The following DAB1 variants were observed in gnomAD, a reference collection of about 807,000 sequenced individuals.
DAB1 encodes disabled homolog 1.
Under a neutral mutation model 64.6 loss-of-function variants are expected in DAB1, and 15 were observed. That is an observed-to-expected ratio of 0.23 (90% CI 0.16 to 0.36). The LOEUF is 0.36. Among genes scored for constraint, DAB1 ranks in the 10% least tolerant of loss-of-function variants. DAB1 has a pLI of 1.00. For synonymous variants in DAB1, 235 were observed against 251.9 expected, an observed-to-expected ratio of 0.93 and a Z score of 0.64; for missense variants, 596 against 706.7, an observed-to-expected ratio of 0.84 and a Z score of 1.78.
At chr1:58,301,066 C>T (rs747105675) in intron 4 of DAB1, among the ~76,000 whole-genome samples, 125 of 152,020 alleles carry the variant, frequency 8.2e-4, no homozygotes, top group Non-Finnish European at 1.2e-3. Context: ...CCTCACCCTC[C>T]GTAATGTGAC....
At chr1:57,251,237 T>C (rs1234261480) in intron 2 of DAB1, among the ~76,000 whole-genome samples, 1 of 152,216 alleles carries the variant, frequency 6.6e-6, no homozygotes, top group African/African-American at 2.4e-5. Flanking sequence ...ATGTGAAATT[T>C]CTTTTTAAGT....
At chr1:57,004,288 G>A (rs515493) in intron 14 of DAB1, among the ~76,000 whole-genome samples, 13,044 of 152,214 alleles carry the variant, frequency 0.086, 642 homozygotes, top group East Asian at 0.15. Context: ...ATAACAAGAC[G>A]CTCTTGGAAG....
intron 5 of DAB1, among the ~76,000 whole-genome samples, chr1:57,947,240 T>C (rs1645197798): frequency 6.6e-6 from 1 of 152,080 alleles, no homozygotes; most frequent in Non-Finnish European, 1.5e-5. Context: ...AAGCATGTGA[T>C]CTTCATACTA....
intron 5 of DAB1, among the ~76,000 whole-genome samples, chr1:58,073,865 T>A (rs907699623): frequency 6.6e-6 from 1 of 152,126 alleles, no homozygotes; most frequent in Non-Finnish European, 1.5e-5. Flanking sequence ...AGAAGGTGAA[T>A]GAATGGAAAT....
intron 14 of DAB1, among the ~76,000 whole-genome samples, chr1:56,999,641 C>T (rs1357393666): frequency 6.6e-6 from 1 of 152,064 alleles, no homozygotes; most frequent in Non-Finnish European, 1.5e-5. Context: ...AGTGGAATGG[C>T]CTAGAAGATA....
intron 5 of DAB1, among the ~76,000 whole-genome samples, chr1:58,091,710 A>T (rs1005201575): frequency 6.6e-6 from 1 of 152,034 alleles, no homozygotes; most frequent in Non-Finnish European, 1.5e-5. Flanking sequence ...AGCTACTTCC[A>T]AATATGTCTT....
chr1:57,561,826 G>C (rs570597468), intron 7 of DAB1, among the ~76,000 whole-genome samples: 1 of 152,202 alleles, frequency 6.6e-6, no homozygotes, highest in African/African-American at 2.4e-5. Flanking sequence ...CTGAGCCCTC[G>C]ATATGGCACC....
rs1661731993 is a variant in DAB1, at chr1:58,288,038, A to AAAAAAAAG, written n.309+55306_309+55313dup. On this transcript the variant is annotated intron_variant and non_coding_transcript_variant, in intron 4 of 20. Coordinates refer to the DAB1 transcript ENST00000485760. ...CTGCCTCAAAAAAAAAAAAAAAAAA[A>AAAAAAAAG]AAAAAAAGAAAAAAAAGAGCAGCAA... Among the ~76,000 whole-genome samples, 23 of 122,672 alleles carry AAAAAAAAG rather than the reference A, an allele frequency of 1.9e-4. 1 individual carries two copies. Among genetic ancestry groups the AAAAAAAAG allele is most frequent in the Admixed American group, 2.7e-4 (3 of 11,270 alleles). The allele number at this position is 122,672 out of a possible 152,430, so 80.5% of individuals were successfully genotyped here. A position where few individuals can be genotyped will look rare whatever the true frequency, so the allele number is the denominator to read the frequency against.
At chr1:57,264,890 C>T (rs572054735) in intron 2 of DAB1, among the ~76,000 whole-genome samples, 35 of 152,168 alleles carry the variant, frequency 2.3e-4, no homozygotes, top group Non-Finnish European at 4.4e-4. Context: ...ATAGTAATCT[C>T]AGAAAAAATA....
At chr1:57,277,383 T>C (rs1190673681) in intron 2 of DAB1, among the ~76,000 whole-genome samples, 1 of 152,188 alleles carries the variant, frequency 6.6e-6, no homozygotes, top group Non-Finnish European at 1.5e-5. Context: ...CGGTTTTTTT[T>C]CCTACAAACA....
intron 1 of DAB1, among the ~76,000 whole-genome samples, chr1:57,828,290 T>TA (rs1652444671): frequency 6.6e-6 from 1 of 152,234 alleles, no homozygotes. Flanking sequence ...TCAGAGAGGT[T>TA]AAAAACTTTT....
intron 2 of DAB1, among the ~76,000 whole-genome samples, chr1:57,242,285 G>T (rs938576530): frequency 6.6e-6 from 1 of 152,088 alleles, no homozygotes; most frequent in Non-Finnish European, 1.5e-5. Context: ...GAGCATCTTA[G>T]TGACAAAAGC....
At chr1:58,035,835 A>C (rs1268196892) in intron 5 of DAB1, among the ~76,000 whole-genome samples, 1 of 152,196 alleles carries the variant, frequency 6.6e-6, no homozygotes, top group Admixed American at 6.5e-5. Flanking sequence ...CAGGAGCCTA[A>C]GGAAAACTGC....
At chr1:58,534,352 T>A (rs1240747923) in intron 1 of DAB1, 1 of 823,350 alleles carries the variant, frequency 1.2e-6, no homozygotes, top group Non-Finnish European at 2.1e-6. Flanking sequence ...AAAAATTACT[T>A]CTTATTTTAA....
At chr1:58,051,947 T>C in intron 5 of DAB1, among the ~76,000 whole-genome samples, 1 of 152,194 alleles carries the variant, frequency 6.6e-6, no homozygotes, top group East Asian at 1.9e-4. Flanking sequence ...GATATTAGCC[T>C]TTTGTCAAAT....
intron 5 of DAB1, among the ~76,000 whole-genome samples, chr1:58,077,351 C>A (rs988910021): frequency 1.3e-5 from 2 of 152,130 alleles, no homozygotes; most frequent in African/African-American, 4.8e-5. Context: ...GGTTTCACAT[C>A]AGTGGACAGA....
At chr1:58,237,009 A>G (rs2100366762) in intron 4 of DAB1, among the ~76,000 whole-genome samples, 1 of 151,324 alleles carries the variant, frequency 6.6e-6, no homozygotes, top group South Asian at 2.1e-4. Flanking sequence ...CTATACTTCA[A>G]TATAGACCCC....
chr1:57,806,468 T>C (rs111402407), intron 6 of DAB1, among the ~76,000 whole-genome samples: 3 of 152,254 alleles, frequency 2.0e-5, no homozygotes, highest in African/African-American at 7.2e-5. Context: ...GGGTGATTTG[T>C]CTTCAAACCA....
chr1:58,363,698 T>C (rs1053694705), intron 3 of DAB1, among the ~76,000 whole-genome samples: 5 of 152,332 alleles, frequency 3.3e-5, no homozygotes, highest in African/African-American at 1.2e-4. Flanking sequence ...TGTGGAAAGT[T>C]TCATCTTCCA....
Sources: allele counts gnomAD v4.1 joint callset (sites outside exome capture counted in the v4.1 genomes callset), GRCh38; gene constraint gnomAD v4.1.1; transcripts MANE v1.5; gene names NCBI Gene and HGNC (gene_info 2026-07-23, HGNC 2026-07-21).